CLEC2L: variants seen among roughly 807,000 people sequenced by gnomAD.
CLEC2L encodes the protein C-type lectin domain family 2 member L.
CLEC2L carries 14 observed loss-of-function variants against 23.6 expected under a neutral mutation model. The observed-to-expected ratio is 0.59, with a 90% CI of 0.39 to 0.93. The LOEUF is 0.93. Among genes scored for constraint, CLEC2L ranks in the 40% least tolerant of loss-of-function variants. The pLI, the probability that CLEC2L is intolerant of heterozygous loss-of-function variation, is 0.00. For missense variants in CLEC2L, 264 were observed against 282.4 expected (o/e 0.93, Z 0.47); for synonymous variants, 114 against 121.3 (o/e 0.94, Z 0.40).
Position 139,523,841 on chromosome 7 carries a change from CAGGG to C in CLEC2L, c.-86_-83del. The C allele has an allele frequency of 2.2e-6, 2 of 915,074 alleles. No homozygotes were observed. The highest frequency in any genetic ancestry group is 2.6e-6 in the Non-Finnish European group (2 of 768,508). 56.7% of individuals were successfully genotyped at this position (915,074 alleles called of 1,614,324 possible). The stretch of plus-strand genomic sequence containing the variant: ...ACCCGAGGCCGGCCTGGGGGGCCCG[CAGGG>C]CGCGCGGAGCGCCGAGTGCGCGTCG... On this transcript the variant is annotated 5_prime_UTR_variant, in exon 1 of 5. Coordinates refer to ENST00000422142, the MANE Select transcript of CLEC2L (RefSeq NM_001080511.4). This position sits in a 1 kb window ranked among gnomAD's most constrained non-coding sequence, Gnocchi z 4.1.
rs1165524957 is a variant in CLEC2L, at chr7:139,540,437, T to G, written c.382T>G (p.Cys128Gly). The G allele has an allele frequency of 6.2e-7, 1 of 1,605,314 alleles. No homozygotes were observed. The highest frequency in any genetic ancestry group is 1.1e-5 in the South Asian group (1 of 89,100). The change falls in exon 3 of 5, where the codon TGC becomes GGC. Residue 128 changes from cysteine to glycine, a missense_variant. Coordinates refer to ENST00000422142, the MANE Select transcript of CLEC2L (RefSeq NM_001080511.4). This position sits in a 1 kb window ranked among gnomAD's most constrained non-coding sequence, Gnocchi z 5.8. ...PRDWNTGRQY[C>G]HTHEAVLAVI... Reference sequence around the variant, plus strand: ...AGACTGGAACACAGGCAGGCAGTACTGCCACACCCACGAGGCGGTGCTGGC... The same window carrying G: ...AGACTGGAACACAGGCAGGCAGTACGGCCACACCCACGAGGCGGTGCTGGC...
chr7:139,526,501 G>A (rs1797509217), intron 1 of CLEC2L, among the ~76,000 whole-genome samples: 2 of 152,166 alleles, frequency 1.3e-5, no homozygotes, highest in African/African-American at 4.8e-5. Context: ...TCTCCATCAT[G>A]CATTCATTCT....
intron 1 of CLEC2L, among the ~76,000 whole-genome samples, chr7:139,527,708 C>G (rs1484050380): frequency 1.3e-5 from 2 of 152,094 alleles, no homozygotes; most frequent in Non-Finnish European, 2.9e-5. Context: ...GGAGAGGGGA[C>G]AGAGTGAGCC....
intron 1 of CLEC2L, among the ~76,000 whole-genome samples, chr7:139,528,127 A>G (rs961718228): frequency 2.0e-5 from 3 of 152,232 alleles, no homozygotes; most frequent in Non-Finnish European, 1.5e-5. Context: ...AATGAGTTAG[A>G]CATTTGTTAG....
chr7:139,535,820 C>G (rs1797645322), intron 1 of CLEC2L, among the ~76,000 whole-genome samples: 1 of 152,144 alleles, frequency 6.6e-6, no homozygotes, highest in African/African-American at 2.4e-5. Context: ...GCGGCTGAAA[C>G]CTGCGACCGC....
chr7:139,531,140 T>C (rs896465840), intron 1 of CLEC2L, among the ~76,000 whole-genome samples: 1 of 152,198 alleles, frequency 6.6e-6, no homozygotes, highest in African/African-American at 2.4e-5. Flanking sequence ...GCCTTAATCA[T>C]GAACAGATAA....
intron 1 of CLEC2L, among the ~76,000 whole-genome samples, chr7:139,528,782 G>A (rs146472538): frequency 3.9e-5 from 6 of 152,270 alleles, no homozygotes; most frequent in East Asian, 1.9e-4. Flanking sequence ...GCCAAAGTCC[G>A]TCAGCAACCA....
intron 4 of CLEC2L, 25 bp from the exon 5 acceptor site, chr7:139,544,206 G>A (rs369980848): frequency 2.9e-5 from 46 of 1,568,994 alleles, no homozygotes; most frequent in Non-Finnish European, 3.5e-5. Flanking sequence ...GATCATAAAC[G>A]CCTGGTCTTC....
rs114157881 is a variant in CLEC2L at position 139,532,597 on chromosome 7, C to T, written c.191-3677C>T. ...CTCCCCAAATTTATAGGTTGAATCA[C>T]TAACCTCCAATGTGATGATATTGAG... On this transcript the variant is annotated intron_variant, in intron 1 of 4. Coordinates refer to ENST00000422142, the MANE Select transcript of CLEC2L (RefSeq NM_001080511.4). Among the ~76,000 whole-genome samples the T allele has an allele frequency of 6.0e-3, 917 of 152,286 alleles. 11 individuals are homozygous for T. The highest frequency in any genetic ancestry group is 0.02 in the African/African-American group (819 of 41,554).
intron 1 of CLEC2L, among the ~76,000 whole-genome samples, chr7:139,525,103 C>T (rs541210534): frequency 2.0e-4 from 30 of 152,214 alleles, no homozygotes; most frequent in African/African-American, 4.8e-5. Context: ...TGGAGAGAGA[C>T]GGGCCTGAAG....
chr7:139,543,553 A>C (rs1797766707), intron 4 of CLEC2L, among the ~76,000 whole-genome samples: 1 of 152,238 alleles, frequency 6.6e-6, no homozygotes, highest in Non-Finnish European at 1.5e-5. Flanking sequence ...ACTAAGGCTA[A>C]GAAGAAACCT....
At chr7:139,537,833 A>C (rs1002504293) in intron 2 of CLEC2L, among the ~76,000 whole-genome samples, 1 of 152,238 alleles carries the variant, frequency 6.6e-6, no homozygotes, top group Admixed American at 6.5e-5. Context: ...CCTGAGAAAC[A>C]TAGAGTGTGT....
chr7:139,536,217 A>C (rs142873042), intron 1 of CLEC2L, 57 bp from the exon 2 acceptor site: 10 of 1,342,322 alleles, frequency 7.4e-6, no homozygotes, highest in Non-Finnish European at 1.0e-5. Context: ...TGGGGCTGGC[A>C]GTGGGACTGG....
rs1797464209 is a variant in CLEC2L at position 139,523,820 on chromosome 7, G to A, written c.-108G>A. ...CCAGCGCCGCGGTCCTAGCCCACCC[G>A]AGGCCGGCCTGGGGGGCCCGCAGGG... On this transcript the variant is annotated 5_prime_UTR_variant, in exon 1 of 5. Transcript: ENST00000422142. The surrounding 1 kb of genome is among the most constrained non-coding windows in gnomAD (Gnocchi z 4.1). The A allele has an allele frequency of 1.4e-6, 1 of 731,952 alleles. No individual in the cohort carries two copies. The highest frequency in any genetic ancestry group is 1.7e-6 in the Non-Finnish European group (1 of 600,898). 45.3% of individuals were successfully genotyped at this position (731,952 alleles called of 1,614,324 possible).
At chr7:139,542,413 G>A (rs1175122987) in intron 4 of CLEC2L, among the ~76,000 whole-genome samples, 2 of 152,174 alleles carry the variant, frequency 1.3e-5, no homozygotes, top group Admixed American at 1.3e-4. Flanking sequence ...GCAGCCTGGC[G>A]CTTGTCGGCT....
chr7:139,544,114 C>T, intron 4 of CLEC2L, 117 bp from the exon 5 acceptor site: 1 of 691,766 alleles, frequency 1.4e-6, no homozygotes, highest in Non-Finnish European at 2.5e-6. Context: ...TAGAAGGCAG[C>T]TCCAGTGATG....
At chr7:139,538,497 C>G (rs1797690948) in intron 2 of CLEC2L, among the ~76,000 whole-genome samples, 1 of 150,838 alleles carries the variant, frequency 6.6e-6, no homozygotes, top group Non-Finnish European at 1.5e-5. Context: ...GCCTGTAATC[C>G]CAGCACTTTG....
chr7:139,534,168 T>TA, intron 1 of CLEC2L: 1 of 708,542 alleles, frequency 1.4e-6, no homozygotes, highest in South Asian at 1.5e-5. Flanking sequence ...ATGATGGAGT[T>TA]AGTCTTTCCT....
chr7:139,541,073 A>G (rs1342429673), intron 3 of CLEC2L, among the ~76,000 whole-genome samples: 4 of 152,086 alleles, frequency 2.6e-5, no homozygotes. Context: ...CAATGGTGCA[A>G]TCTCGGCTCA....
Sources: gnomAD v4.1 joint callset for allele counts (sites outside exome capture counted in the v4.1 genomes callset) on GRCh38, gnomAD v4.1.1 for gene constraint, Gnocchi (gnomAD v3.1) non-coding constraint, MANE v1.5 for transcripts, NCBI Gene and HGNC (gene_info 2026-07-23, HGNC 2026-07-21) for gene names.